The following POSTN variants were observed in gnomAD, a reference collection of about 807,000 sequenced individuals.
POSTN encodes osteoblast specific factor 2 (fasciclin I-like).
Under a neutral mutation model 104.5 loss-of-function variants are expected in POSTN, and 71 were observed. The ratio of observed to expected loss-of-function variants is 0.68; its 90% CI spans 0.56 to 0.83. POSTN has a LOEUF of 0.83. Ranked by LOEUF, POSTN falls within the 40% of genes least tolerant of loss-of-function variation. The probability of loss-of-function intolerance (pLI) is 0.00; values close to 1 mark genes in which losing one functional copy is unlikely to be tolerated. For missense variants in POSTN, 949 were observed against 1,006.8 expected, an observed-to-expected ratio of 0.94 and a Z score of 0.78; for synonymous variants, 355 against 340.7, an observed-to-expected ratio of 1.04 and a Z score of -0.46.
At chr13:37,595,077 G>C (rs950604606) in intron 2 of POSTN, among the ~76,000 whole-genome samples, 20 of 144,498 alleles carry the variant, frequency 1.4e-4, no homozygotes, top group Non-Finnish European at 2.4e-4. Context: ...AAGCAAGAAA[G>C]AATTTTGGCA....
At chr13:37,580,120 G>A (rs373103245) in intron 11 of POSTN, 129 bp from the exon 12 acceptor site, 29 of 848,210 alleles carry the variant, frequency 3.4e-5, no homozygotes, top group African/African-American at 2.1e-4. Flanking sequence ...ATTTTCATAT[G>A]TTTCGAATAC....
Position 37,579,060 on chromosome 13 carries a change from T to C in POSTN, c.1853A>G (p.Asn618Ser). Residue 618 changes from asparagine (N) to serine (S), a missense_variant, in exon 14 of 23, where the codon AAT becomes AGT. Asn to Ser is a conservative substitution (Grantham distance 46). Coordinates refer to ENST00000379747, the MANE Select transcript of POSTN (RefSeq NM_006475.3). Reference protein sequence around the residue: ...KSKESDIMTTNGVIHVVDKLL... With the variant: ...KSKESDIMTTSGVIHVVDKLL... ...TTTATCTACAACATGAATTACACCA[T>C]TTGTTGTCATGATGTCAGATTCTTT... is the stretch of plus-strand genomic sequence containing the variant. The C allele has an allele frequency of 6.2e-7, 1 of 1,613,458 alleles. No homozygotes were observed. Among genetic ancestry groups the C allele is most frequent in the Non-Finnish European group, 8.5e-7 (1 of 1,179,666 alleles).
In POSTN at chr13:37,571,403, T is replaced by C; in HGVS notation, c.2145A>G (p.Lys715=). ...IEGEPEFRLI[K]EGETITEVIH... is the part of the protein sequence containing the mutation. ...TCACTTCAGTTATTGTTTCACCTTCTTTAATCAGTCTGAATTCAGGTTCAC... is the reference window on the plus strand; with the variant it reads ...TCACTTCAGTTATTGTTTCACCTTCCTTAATCAGTCTGAATTCAGGTTCAC... Residue 715 remains lysine (K), a synonymous_variant, in exon 18 of 23, where the codon AAA becomes AAG. Transcript: ENST00000379747. The C allele has an allele frequency of 6.2e-7, 1 of 1,610,700 alleles. No homozygotes were observed. Among genetic ancestry groups the C allele is most frequent in the Non-Finnish European group, 8.5e-7 (1 of 1,177,330 alleles).
rs764263003 is a variant in POSTN at position 37,592,107 on chromosome 13, G to A, written c.276C>T (p.Cys92=). The change falls in exon 3 of 23, where the codon TGC becomes TGT. Residue 92 remains cysteine (C), a synonymous_variant. Transcript: ENST00000379747. ...GYMRMEGMKG[C]PAVLPIDHVY... ...AAAAAATTGAGATTTTACCTGCTGGGCAGCCTTTCATTCCTTCCATTCTCA... is the reference window on the plus strand; with the variant it reads ...AAAAAATTGAGATTTTACCTGCTGGACAGCCTTTCATTCCTTCCATTCTCA... 3.2e-5 allele frequency: 51 copies of A among 1,604,236 alleles called. No homozygotes were observed. In the South Asian group the frequency reaches 5.3e-4, roughly 17 times the overall value.
chr13:37,596,298 G>T (rs907509342), intron 2 of POSTN, among the ~76,000 whole-genome samples: 1 of 152,120 alleles, frequency 6.6e-6, no homozygotes, highest in East Asian at 1.9e-4. Flanking sequence ...CACTTGCACT[G>T]TTTTCTTGAC....
Position 37,571,399 on chromosome 13 carries a change from C to T in POSTN, c.2149G>A (p.Gly717Ser), listed in dbSNP as rs752256265. ...GEPEFRLIKE[G>S]ETITEVIHGE... ...TGGATCACTTCAGTTATTGTTTCACCTTCTTTAATCAGTCTGAATTCAGGT... is the reference window on the plus strand; with the variant it reads ...TGGATCACTTCAGTTATTGTTTCACTTTCTTTAATCAGTCTGAATTCAGGT... The change falls in exon 18 of 23, where the codon GGT becomes AGT. Residue 717 changes from glycine to serine, a missense_variant. Gly to Ser is a moderately conservative substitution (Grantham distance 56). Transcript: ENST00000379747. 38 of 1,609,390 alleles carry T rather than the reference C, an allele frequency of 2.4e-5. No individual in the cohort carries two copies. Among genetic ancestry groups the T allele is most frequent in the Non-Finnish European group, 2.5e-5 (29 of 1,176,586 alleles).
chr13:37,571,139 T>G, intron 18 of POSTN: 1 of 420,662 alleles, frequency 2.4e-6, no homozygotes, highest in South Asian at 4.6e-5. Flanking sequence ...TGACATTTTG[T>G]TGGGCCCAGT....
chr13:37,582,581 G>T, intron 9 of POSTN, 67 bp from the exon 10 acceptor site: 1 of 1,380,886 alleles, frequency 7.2e-7, no homozygotes, highest in Non-Finnish European at 9.8e-7. Context: ...CTCCCGGTAA[G>T]ACAGAATCAT....
chr13:37,582,248 G>T, intron 10 of POSTN, 118 bp downstream of exon 10: 2 of 1,187,690 alleles, frequency 1.7e-6, no homozygotes, highest in Non-Finnish European at 2.3e-6. Context: ...GTTCCCTGAT[G>T]CTTCTATGAA....
At chr13:37,566,311 G>T (rs1010353939) in intron 21 of POSTN, among the ~76,000 whole-genome samples, 5 of 152,094 alleles carry the variant, frequency 3.3e-5, no homozygotes, top group African/African-American at 1.2e-4. Flanking sequence ...AAAGTACTCA[G>T]CTCAATTATT....
At chr13:37,578,159 C>T (rs1950469407) in intron 15 of POSTN, among the ~76,000 whole-genome samples, 1 of 152,080 alleles carries the variant, frequency 6.6e-6, no homozygotes, top group South Asian at 2.1e-4. Context: ...AATGTTCTTT[C>T]CTTTATATTC....
intron 17 of POSTN, 141 bp from the exon 18 acceptor site, chr13:37,571,599 T>C (rs1410598785): frequency 1.8e-6 from 1 of 560,856 alleles, no homozygotes; most frequent in South Asian, 2.5e-5. Flanking sequence ...CACTTTTAAA[T>C]ATTTCCCATT....
chr13:37,587,049 T>A, intron 5 of POSTN, 121 bp from the exon 6 acceptor site: 1 of 795,198 alleles, frequency 1.3e-6, no homozygotes, highest in Non-Finnish European at 2.0e-6. Context: ...GAAACTACAT[T>A]GTAAATGTAA....
rs549870682 is a variant in POSTN, at chr13:37,583,236, A to G, written c.1244-722T>C. ...TTACATCATGATATGGAAGTGTATA[A>G]GTCTCTTCATTTTATTTATTTATAA... On this transcript the variant is annotated intron_variant, in intron 9 of 22. Transcript: ENST00000379747. Among the ~76,000 whole-genome samples the G allele has an allele frequency of 1.7e-3, 252 of 152,232 alleles. 1 individual carries two copies. Among genetic ancestry groups the G allele is most frequent in the African/African-American group, 5.8e-3 (241 of 41,548 alleles).
At chr13:37,563,737 C>T (rs1183304772) in intron 22 of POSTN, among the ~76,000 whole-genome samples, 2 of 151,906 alleles carry the variant, frequency 1.3e-5, no homozygotes, top group Non-Finnish European at 2.9e-5. Flanking sequence ...ATTGATAAGC[C>T]TTGTGTCTCC....
At chr13:37,574,449 T>C (rs930131136) in intron 17 of POSTN, 123 bp downstream of exon 17, 1 of 1,321,196 alleles carries the variant, frequency 7.6e-7, no homozygotes, top group African/African-American at 1.6e-5. Flanking sequence ...GCCATTGGTA[T>C]AATATTGGTT....
rs1369467529 is a variant in POSTN at position 37,586,090 on chromosome 13, C to T, written c.895+49G>A. 7 of 1,513,994 alleles carry T rather than the reference C, an allele frequency of 4.6e-6. No individual in the cohort carries two copies. The Admixed American group carries it at 6.3e-5, about 14-fold the overall frequency. The allele number at this position is 1,513,994 out of a possible 1,614,324, so 93.8% of individuals were successfully genotyped here. ...GTAAGGACTAGCCTCTTTTTTATTC[C>T]CTTCTCAGAATGCTGGGAGACTCCT... On this transcript the variant is annotated intron_variant, in intron 7 of 22. Transcript: ENST00000379747.
At chr13:37,574,538 T>C (rs1314083160) in intron 17 of POSTN, 34 bp downstream of exon 17, 2 of 1,560,890 alleles carry the variant, frequency 1.3e-6, no homozygotes, top group Non-Finnish European at 1.7e-6. Context: ...ATGTTTTTAC[T>C]ATAAAAGGAA....
intron 2 of POSTN, among the ~76,000 whole-genome samples, chr13:37,592,496 C>A (rs1031436649): frequency 1.3e-5 from 2 of 152,092 alleles, no homozygotes; most frequent in Admixed American, 6.5e-5. Flanking sequence ...GATGGGGTTT[C>A]GCCGTGCTAG....
Sources: gnomAD v4.1 joint callset for allele counts (sites outside exome capture counted in the v4.1 genomes callset) on GRCh38, gnomAD v4.1.1 for gene constraint, MANE v1.5 for transcripts, NCBI Gene and HGNC (gene_info 2026-07-23, HGNC 2026-07-21) for gene names.